The following CDH13 variants were observed in gnomAD, a reference collection of about 807,000 sequenced individuals.
CDH13 encodes the protein cadherin-13.
In CDH13, 24 loss-of-function variants were observed where a neutral mutation model predicts 63.8. That is an observed-to-expected ratio of 0.38 (90% confidence interval 0.27 to 0.53). The LOEUF is 0.53. Among genes scored for constraint, CDH13 ranks in the 20% least tolerant of loss-of-function variants. CDH13 has a pLI of 0.85. For synonymous variants in CDH13, 503 were observed against 355.3 expected (o/e 1.42, Z -4.67); for missense variants, 1,049 against 903.1 (o/e 1.16, Z -2.07).
At chr16:83,111,093 AC>A (rs1350001350) in intron 3 of CDH13, among the ~76,000 whole-genome samples, 1 of 150,630 alleles carries the variant, frequency 6.6e-6, no homozygotes, top group Non-Finnish European at 1.5e-5. Flanking sequence ...AATGGCGTGA[AC>A]CCGGGAGGCG....
At chr16:82,814,048 C>T (rs924542849) in intron 1 of CDH13, among the ~76,000 whole-genome samples, 3 of 152,104 alleles carry the variant, frequency 2.0e-5, no homozygotes, top group African/African-American at 4.8e-5. Flanking sequence ...ACAAAATGGT[C>T]TTGACCCTGA....
intron 8 of CDH13, among the ~76,000 whole-genome samples, chr16:83,622,083 C>G (rs1237790681): frequency 6.6e-6 from 1 of 152,092 alleles, no homozygotes; most frequent in East Asian, 1.9e-4. Flanking sequence ...TTTTCGAAAG[C>G]TAATTATTAT....
chr16:83,233,185 G>A (rs2040051141), intron 5 of CDH13, among the ~76,000 whole-genome samples: 1 of 152,188 alleles, frequency 6.6e-6, no homozygotes, highest in Admixed American at 6.5e-5. Context: ...AGACAAAATT[G>A]CTTTTCTTTC....
chr16:83,791,001 C>T (rs62045403), intron 13 of CDH13, among the ~76,000 whole-genome samples: 2 of 152,050 alleles, frequency 1.3e-5, no homozygotes, highest in Admixed American at 6.6e-5. Context: ...TGTAGACAAA[C>T]TCAGACACAA....
intron 3 of CDH13, among the ~76,000 whole-genome samples, chr16:83,051,776 A>C (rs1461188989): frequency 2.0e-5 from 3 of 152,026 alleles, no homozygotes; most frequent in Non-Finnish European, 4.4e-5. Flanking sequence ...TATCCATCAC[A>C]TTATTTGTTG....
At chr16:83,122,064 G>A (rs1273919455) in intron 3 of CDH13, among the ~76,000 whole-genome samples, 4 of 152,156 alleles carry the variant, frequency 2.6e-5, no homozygotes, top group African/African-American at 7.2e-5. Flanking sequence ...ATAGGAAGCT[G>A]TTGTTAGGAT....
At chr16:83,344,841 C>G in intron 5 of CDH13, 21 bp from the exon 6 acceptor site, 1 of 1,612,622 alleles carries the variant, frequency 6.2e-7, no homozygotes, top group Non-Finnish European at 8.5e-7. Flanking sequence ...TCTTTCTCCC[C>G]CAATCTCTTT....
chr16:83,028,439 A>G (rs987070650), intron 2 of CDH13, among the ~76,000 whole-genome samples: 5 of 152,164 alleles, frequency 3.3e-5, no homozygotes, highest in Admixed American at 3.3e-4. Context: ...CAGAGCGATC[A>G]AAAGGCACCG....
chr16:83,712,681 C>T (rs983127624), intron 10 of CDH13, among the ~76,000 whole-genome samples: 1 of 152,188 alleles, frequency 6.6e-6, no homozygotes, highest in African/African-American at 2.4e-5. Context: ...TTTGTCTACA[C>T]ATCTATCCTT....
At chr16:83,246,456 C>T (rs934308138) in intron 5 of CDH13, among the ~76,000 whole-genome samples, 1 of 152,160 alleles carries the variant, frequency 6.6e-6, no homozygotes, top group Admixed American at 6.5e-5. Context: ...CTTCTGTACT[C>T]CGAGAGATTC....
rs888465134 is a variant in CDH13, at chr16:83,405,765, G to A, written c.781+60759G>A. On this transcript the variant is annotated intron_variant, in intron 6 of 13. Transcript: ENST00000567109. ...TGCCATGTTATCTAATTTTTCACAG[G>A]CATATTCCTTTCTCCCAAATTAGGT... 2.6e-5 allele frequency among the ~76,000 whole-genome samples: 4 copies of A among 152,260 alleles called. No homozygotes were observed. In the East Asian group the frequency reaches 5.8e-4, roughly 22 times the overall value.
intron 5 of CDH13, among the ~76,000 whole-genome samples, chr16:83,273,107 C>A (rs577175026): frequency 2.0e-5 from 3 of 152,258 alleles, no homozygotes; most frequent in African/African-American, 7.2e-5. Flanking sequence ...ATTGAGCAGT[C>A]TTTCACCCTA....
intron 1 of CDH13, among the ~76,000 whole-genome samples, chr16:82,729,930 T>G (rs1184557592): frequency 6.6e-6 from 1 of 152,192 alleles, no homozygotes; most frequent in Non-Finnish European, 1.5e-5. Flanking sequence ...GAAGAAAGCT[T>G]TCTTTAAACC....
rs141437213 is a variant in CDH13 at position 82,999,724 on chromosome 16, C to T, written c.158-32286C>T. 8.5e-5 allele frequency among the ~76,000 whole-genome samples: 13 copies of T among 152,182 alleles called. No individual in the cohort carries two copies. The East Asian group carries it at 1.5e-3, about 18-fold the overall frequency. Reference sequence around the variant, plus strand: ...AAAACACAGTTTGCACTATATATTCCGAAGGGCAAGGACCCCTCTCCAGCA... The same window carrying T: ...AAAACACAGTTTGCACTATATATTCTGAAGGGCAAGGACCCCTCTCCAGCA... On this transcript the variant is annotated intron_variant, in intron 2 of 13. Transcript: ENST00000567109.
At chr16:83,702,758 C>A (rs1906436641) in intron 10 of CDH13, among the ~76,000 whole-genome samples, 1 of 152,152 alleles carries the variant, frequency 6.6e-6, no homozygotes, top group Non-Finnish European at 1.5e-5. Flanking sequence ...GCAGGTGGCA[C>A]TGTGGGGAGG....
At chr16:83,495,872 A>G (rs2074129188) in intron 7 of CDH13, among the ~76,000 whole-genome samples, 2 of 152,168 alleles carry the variant, frequency 1.3e-5, no homozygotes, top group Admixed American at 1.3e-4. Context: ...TTAACAGACA[A>G]ACAGAGAGCC....
At chr16:83,022,142 A>G (rs182851681) in intron 2 of CDH13, among the ~76,000 whole-genome samples, 12 of 152,350 alleles carry the variant, frequency 7.9e-5, no homozygotes, top group African/African-American at 1.7e-4. Flanking sequence ...ATGAAAAGCA[A>G]TTAAGTGATG....
intron 3 of CDH13, among the ~76,000 whole-genome samples, chr16:83,042,004 C>G (rs921144988): frequency 1.3e-5 from 2 of 152,212 alleles, no homozygotes; most frequent in African/African-American, 4.8e-5. Context: ...GACAAAAATA[C>G]TTTTGCACAT....
intron 5 of CDH13, among the ~76,000 whole-genome samples, chr16:83,312,946 C>T (rs887851986): frequency 5.9e-5 from 9 of 152,150 alleles, no homozygotes; most frequent in Non-Finnish European, 7.3e-5. Flanking sequence ...TTCCAAAGCC[C>T]GCTGTAAAGC....
Sources: allele counts gnomAD v4.1 joint callset (sites outside exome capture counted in the v4.1 genomes callset), GRCh38; gene constraint gnomAD v4.1.1; transcripts MANE v1.5; gene names NCBI Gene and HGNC (gene_info 2026-07-23, HGNC 2026-07-21).